Variants in PLEKHH1 observed in about 807,000 individuals in gnomAD.
The protein encoded by PLEKHH1 is pleckstrin homology, MyTH4 and FERM domain containing H1, also known as pleckstrin homology domain-containing family H member 1.
PLEKHH1 carries 104 observed loss-of-function variants against 160.0 expected under a neutral mutation model. The ratio of observed to expected loss-of-function variants is 0.65; its 90% confidence interval spans 0.55 to 0.76. PLEKHH1 has a LOEUF of 0.76. PLEKHH1 is among the 30% of genes least tolerant of loss of function. The probability of loss-of-function intolerance (pLI) is 0.00; values close to 1 mark genes in which losing one functional copy is unlikely to be tolerated. For missense variants in PLEKHH1, 1,427 were observed against 1,724.1 expected, an observed-to-expected ratio of 0.83 and a Z score of 3.05; for synonymous variants, 619 against 678.4, an observed-to-expected ratio of 0.91 and a Z score of 1.36.
chr14:67,536,447 C>T (rs180910070), intron 1 of PLEKHH1, among the ~76,000 whole-genome samples: 1 of 151,884 alleles, frequency 6.6e-6, no homozygotes, highest in African/African-American at 2.4e-5. Context: ...TACTCACACT[C>T]AGGGAATGAA....
In PLEKHH1 at chr14:67,567,617, C is replaced by T. The variant is rs186102362; in HGVS notation, c.1264-1521C>T. On this transcript the variant is annotated intron_variant, in intron 7 of 28. Coordinates refer to ENST00000329153, the MANE Select transcript of PLEKHH1 (RefSeq NM_020715.3). The stretch of plus-strand genomic sequence containing the variant: ...TCCTCACCGCCCCTCTGTCTCCTGC[C>T]GCCCCTCCAGTGATCTCAGCGTCTC... Among the ~76,000 whole-genome samples, 1,025 of 152,220 alleles carry T rather than the reference C, an allele frequency of 6.7e-3. 4 individuals carry two copies. The highest frequency in any genetic ancestry group is 9.7e-3 in the Non-Finnish European group (657 of 68,008).
intron 1 of PLEKHH1, among the ~76,000 whole-genome samples, chr14:67,538,870 A>G (rs1427006972): frequency 6.6e-6 from 1 of 152,196 alleles, no homozygotes; most frequent in Non-Finnish European, 1.5e-5. Flanking sequence ...AACTAGGTAT[A>G]ATCTCAGATA....
In PLEKHH1 at chr14:67,579,198, G is replaced by T. The variant is rs2035773093; in HGVS notation, c.2914G>T (p.Glu972Ter). The T allele has an allele frequency of 6.2e-7, 1 of 1,611,236 alleles. No homozygotes were observed. Among genetic ancestry groups the T allele is most frequent in the Non-Finnish European group, 8.5e-7 (1 of 1,179,042 alleles). The change falls in exon 21 of 29, where the codon GAG becomes TAG. Residue 972 changes from glutamate to a stop codon, truncating the protein, a stop_gained. Transcript: ENST00000329153. LOFTEE classifies it high-confidence loss of function. ...RAVERTLRTG[E>*]REARPSRMEV... ...AGTGGAGCGGACCCTGCGGACCGGG[G>T]AGCGGGAAGCCAGGCCATCGCGCAT...
intron 23 of PLEKHH1, among the ~76,000 whole-genome samples, chr14:67,581,430 G>T (rs79611776): frequency 0.016 from 2,417 of 152,170 alleles, 80 homozygotes; most frequent in African/African-American, 0.055. Context: ...GGGGGCTGAG[G>T]TGGGAGGATC....
Position 67,588,918 on chromosome 14 carries a change from A to C in PLEKHH1, c.*1683A>C, listed in dbSNP as rs1440676554. On this transcript the variant is annotated 3_prime_UTR_variant, in exon 29 of 29. Transcript: ENST00000329153. ...GCACATCCAAGTTTCTGCCTCTTTT[A>C]AATGTACTTGACTTTGCAAGGCAAG... 6.6e-6 allele frequency: 1 copy of C among 152,618 alleles called. No homozygotes were observed. Among genetic ancestry groups the C allele is most frequent in the Non-Finnish European group, 1.5e-5 (1 of 68,040 alleles). 9.5% of individuals were successfully genotyped at this position (152,618 alleles called of 1,614,324 possible).
intron 5 of PLEKHH1, among the ~76,000 whole-genome samples, chr14:67,560,334 C>T (rs930286500): frequency 1.3e-5 from 2 of 152,198 alleles, no homozygotes; most frequent in Non-Finnish European, 2.9e-5. Context: ...GCTACTTTCT[C>T]TTCCATCCTC....
Position 67,569,202 on chromosome 14 carries a change from A to G in PLEKHH1, c.1328A>G (p.Asn443Ser), listed in dbSNP as rs775433152. 71 of 1,611,360 alleles carry G rather than the reference A, an allele frequency of 4.4e-5. No individual in the cohort carries two copies. The highest frequency in any genetic ancestry group is 5.9e-5 in the Non-Finnish European group (69 of 1,177,680). ...MRLSDMSPRS[N>S]TACCASSPPA... is the part of the protein sequence containing the mutation. The stretch of plus-strand genomic sequence containing the variant: ...CTCTCAGATATGTCTCCCAGAAGTA[A>G]TACTGCATGCTGCGGTGAGTTCCAA... Residue 443 changes from asparagine to serine, a missense_variant, in exon 8 of 29, where the codon AAT (asparagine) becomes AGT (serine). Asn to Ser is a conservative substitution (Grantham distance 46, BLOSUM62 1). Transcript: ENST00000329153.
At chr14:67,550,048 T>A (rs552040863) in intron 2 of PLEKHH1, among the ~76,000 whole-genome samples, 41 of 151,920 alleles carry the variant, frequency 2.7e-4, no homozygotes, top group Non-Finnish European at 4.9e-4. Context: ...TGGGGTACAG[T>A]GGAGCCCACA....
Position 67,566,618 on chromosome 14 carries a change from C to A in PLEKHH1, c.1264-2520C>A, listed in dbSNP as rs556251567. Among the ~76,000 whole-genome samples the A allele has an allele frequency of 8.1e-4, 124 of 152,158 alleles. 5 individuals are homozygous for A. In the South Asian group the frequency reaches 0.025, roughly 31 times the overall value. On this transcript the variant is annotated intron_variant, in intron 7 of 28. Transcript: ENST00000329153. ...CAAAAATTAGCTGAGCATGGTGGCACATGCCGGTAGTCCCAGCTACTCAGG... is the reference window on the plus strand; with the variant it reads ...CAAAAATTAGCTGAGCATGGTGGCAAATGCCGGTAGTCCCAGCTACTCAGG...
chr14:67,582,236 G>A lies in PLEKHH1; in HGVS notation c.3426+26G>A. On this transcript the variant is annotated intron_variant, in intron 24 of 28. Coordinates refer to ENST00000329153, the MANE Select transcript of PLEKHH1 (RefSeq NM_020715.3). This position sits in a 1 kb window ranked among gnomAD's most constrained non-coding sequence, Gnocchi z 5.0. ...GTAAGGTTCTGTTCAGGAAGCAGGA[G>A]GGTCGGGTTGCCAGCTTAGAATGAA... The A allele has an allele frequency of 3.1e-6, 5 of 1,613,282 alleles. No individual in the cohort carries two copies. Among genetic ancestry groups the A allele is most frequent in the South Asian group, 1.1e-5 (1 of 91,018 alleles).
intron 8 of PLEKHH1, 38 bp downstream of exon 8, chr14:67,569,254 A>C (rs1237309725): frequency 1.3e-6 from 2 of 1,484,740 alleles, no homozygotes; most frequent in Non-Finnish European, 1.9e-6. Flanking sequence ...CCAAACACCC[A>C]AGGTGGGCAG....
At chr14:67,566,078 C>G (rs569102552) in intron 7 of PLEKHH1, among the ~76,000 whole-genome samples, 1 of 152,210 alleles carries the variant, frequency 6.6e-6, no homozygotes, top group Non-Finnish European at 1.5e-5. Context: ...GAGATTGCGC[C>G]ACTGCACTCC....
intron 1 of PLEKHH1, among the ~76,000 whole-genome samples, chr14:67,539,665 T>C (rs1280662558): frequency 5.3e-5 from 8 of 152,320 alleles, no homozygotes; most frequent in African/African-American, 1.9e-4. Context: ...TTTGTGAAAT[T>C]GAAATTCTTT....
chr14:67,558,669 T>G (rs2140402680), intron 4 of PLEKHH1, among the ~76,000 whole-genome samples: 1 of 152,338 alleles, frequency 6.6e-6, no homozygotes, highest in Non-Finnish European at 1.5e-5. Flanking sequence ...TCAAGAGACC[T>G]GGTTTTAGTC....
intron 23 of PLEKHH1, 70 bp downstream of exon 23, chr14:67,581,108 C>T (rs531270583): frequency 5.0e-5 from 47 of 938,088 alleles, no homozygotes; most frequent in African/African-American, 4.0e-4. Context: ...ATCGCCTCCT[C>T]GACTAGACAG....
Position 67,541,954 on chromosome 14 carries a change from C to T in PLEKHH1, c.87C>T (p.Arg29=), listed in dbSNP as rs535396013. The part of the protein sequence containing the change: ...LTLETQLFRF[R]LQASKIRELL... ...TGGAAACTCAGCTTTTCCGGTTCCG[C>T]CTACAGGCCAGCAAGATAAGGGAGC... Residue 29 remains arginine (R), a synonymous_variant, in exon 2 of 29, where the codon CGC becomes CGT. Transcript: ENST00000329153. The T allele has an allele frequency of 1.0e-5, 16 of 1,607,888 alleles. No homozygotes were observed. In the East Asian group the frequency reaches 3.4e-4, roughly 34 times the overall value.
In PLEKHH1 at chr14:67,582,324, A is replaced by T; in HGVS notation, c.3426+114A>T. ...GATCCTGTGGTGCTCAGGAGAGGGC[A>T]GCTTTGCCATCTCTGGGATGGAAAG... is the stretch of plus-strand genomic sequence containing the variant. On this transcript the variant is annotated intron_variant, in intron 24 of 28. Coordinates refer to ENST00000329153, the MANE Select transcript of PLEKHH1 (RefSeq NM_020715.3). The surrounding 1 kb of genome is among the most constrained non-coding windows in gnomAD (Gnocchi z 5.0). The T allele has an allele frequency of 6.4e-7, 1 of 1,552,870 alleles. No homozygotes were observed. The highest frequency in any genetic ancestry group is 8.7e-7 in the Non-Finnish European group (1 of 1,145,036).
rs756012004 is a variant in PLEKHH1 at position 67,582,079 on chromosome 14, C to T, written c.3295C>T (p.Arg1099Cys). 5 of 1,610,232 alleles carry T rather than the reference C, an allele frequency of 3.1e-6. No individual in the cohort carries two copies. Among genetic ancestry groups the T allele is most frequent in the South Asian group, 1.1e-5 (1 of 90,338 alleles). The change falls in exon 24 of 29, where the codon CGC becomes TGC. Residue 1099 changes from arginine (R) to cysteine (C), a missense_variant. This residue lies in a region of PLEKHH1 where 436 missense variants were observed against 607.5 expected (regional missense o/e 0.72). Coordinates refer to ENST00000329153, the MANE Select transcript of PLEKHH1 (RefSeq NM_020715.3). The surrounding 1 kb of genome is among the most constrained non-coding windows in gnomAD (Gnocchi z 5.0). ...TTCTCTTCTTTGTAGGCTGTACTTT[C>T]GCAGTCAAGTCAAAGGGGAGACGGA... ...KLMYKNRLYF[R>C]SQVKGETDRE...
intron 18 of PLEKHH1, 56 bp downstream of exon 18, chr14:67,577,470 A>T: frequency 8.7e-7 from 1 of 1,144,934 alleles, no homozygotes; most frequent in South Asian, 1.3e-5. Flanking sequence ...ACTTGGGTGG[A>T]GAAGGCCTGT....
Sources: allele counts gnomAD v4.1 joint callset (sites outside exome capture counted in the v4.1 genomes callset), GRCh38; gene constraint gnomAD v4.1.1; regional missense constraint gnomAD v4.1.1; non-coding constraint Gnocchi (gnomAD v3.1); transcripts MANE v1.5; gene names NCBI Gene and HGNC (gene_info 2026-07-23, HGNC 2026-07-21).